The following CKAP2L variants were observed in gnomAD, a reference collection of about 807,000 sequenced individuals.
The protein encoded by CKAP2L is cytoskeleton associated protein 2L.
A neutral mutation model predicts 65.7 loss-of-function variants in CKAP2L; 42 were observed. The observed-to-expected ratio is 0.64, with a 90% CI of 0.50 to 0.83. The LOEUF (loss-of-function observed/expected upper bound fraction) is 0.83, where lower values mean the gene tolerates loss of function less well. Ranked by LOEUF, CKAP2L falls within the 40% of genes least tolerant of loss-of-function variation. The pLI is 0.00. For missense variants in CKAP2L, 908 were observed against 871.0 expected (o/e 1.04, Z -0.53); for synonymous variants, 325 against 313.5 (o/e 1.04, Z -0.39).
chr2:112,748,761 T>G (rs1383869228), intron 5 of CKAP2L, among the ~76,000 whole-genome samples: 2 of 151,890 alleles, frequency 1.3e-5, no homozygotes, highest in Admixed American at 1.3e-4. Flanking sequence ...CTCAGGAGGC[T>G]GAGGTGGAGG....
At chr2:112,754,961 C>G (rs1356032885) in intron 4 of CKAP2L, among the ~76,000 whole-genome samples, 1 of 152,174 alleles carries the variant, frequency 6.6e-6, no homozygotes, top group Non-Finnish European at 1.5e-5. Flanking sequence ...CCATTCCAGC[C>G]CTACTCTCTT....
intron 6 of CKAP2L, among the ~76,000 whole-genome samples, chr2:112,744,552 C>G (rs1011635969): frequency 3.9e-5 from 6 of 152,174 alleles, no homozygotes; most frequent in African/African-American, 1.4e-4. Flanking sequence ...CTGCAAGTCT[C>G]TGAGGGATAT....
At position 112,738,630 on chromosome 2, in the gene CKAP2L, TC is replaced by T; in HGVS notation, c.*192del. ...GTATACTGTAAAACTGGCAAACTGGTCTTAAACACATAAAGCAAAGATTTTC... is the reference window on the plus strand; with the variant it reads ...GTATACTGTAAAACTGGCAAACTGGTTTAAACACATAAAGCAAAGATTTTC... On this transcript the variant is annotated 3_prime_UTR_variant, in exon 9 of 9. Coordinates refer to ENST00000302450, the MANE Select transcript of CKAP2L (RefSeq NM_152515.5). 1.7e-6 allele frequency: 1 copy of T among 593,794 alleles called. No individual in the cohort carries two copies. 36.8% of individuals were successfully genotyped at this position (593,794 alleles called of 1,614,324 possible).
chr2:112,738,746 TCCAGGTCA>T lies in CKAP2L; in HGVS notation c.*69_*76del. The T allele has an allele frequency of 1.0e-6, 1 of 970,636 alleles. No homozygotes were observed. The highest frequency in any genetic ancestry group is 2.1e-5 in the Admixed American group (1 of 47,364). The allele number at this position is 970,636 out of a possible 1,614,324, so 60.1% of individuals were successfully genotyped here. On this transcript the variant is annotated 3_prime_UTR_variant, in exon 9 of 9. Transcript: ENST00000302450. ...TGCATCCATGATGCCTCTCTTTTTT[TCCAGGTCA>T]CTTGGACAAGAATATTTCTTGTCTT...
intron 1 of CKAP2L, among the ~76,000 whole-genome samples, chr2:112,763,148 C>T (rs774895482): frequency 6.6e-6 from 1 of 152,112 alleles, no homozygotes; most frequent in Non-Finnish European, 1.5e-5. Context: ...ATCTGAAATT[C>T]AGAGAGAGTA....
At chr2:112,751,051 G>C (rs1680359075) in intron 5 of CKAP2L, among the ~76,000 whole-genome samples, 2 of 151,984 alleles carry the variant, frequency 1.3e-5, no homozygotes, top group South Asian at 4.1e-4. Flanking sequence ...ATGAACTCTA[G>C]AACAATGACC....
At chr2:112,741,090 C>A in intron 7 of CKAP2L, 83 bp from the exon 8 acceptor site, 6 of 877,304 alleles carry the variant, frequency 6.8e-6, no homozygotes, top group Non-Finnish European at 1.1e-5. Context: ...AAAATACATA[C>A]ATACAATGAT....
intron 8 of CKAP2L, 92 bp downstream of exon 8, chr2:112,740,724 CAG>C (rs1441986721): frequency 1.0e-6 from 1 of 981,274 alleles, no homozygotes; most frequent in Non-Finnish European, 1.6e-6. Context: ...CACTGCAGGT[CAG>C]GTCTCAGTTA....
intron 3 of CKAP2L, among the ~76,000 whole-genome samples, chr2:112,758,704 T>A (rs917615305): frequency 7.2e-5 from 11 of 152,236 alleles, no homozygotes; most frequent in African/African-American, 1.2e-4. Flanking sequence ...TGTGTTTTTT[T>A]AGTTGCTTTC....
In CKAP2L at chr2:112,736,961, C is replaced by CTGTA. The variant is rs1679285938; in HGVS notation, c.*1858_*1861dup. On this transcript the variant is annotated 3_prime_UTR_variant, in exon 9 of 9. Coordinates refer to ENST00000302450, the MANE Select transcript of CKAP2L (RefSeq NM_152515.5). ...TTTTTTTTTGAGATGGAGTCTTGCT[C>CTGTA]TGTAACCCAGGCTGGAGTGCAGTGA... is the stretch of plus-strand genomic sequence containing the variant. 6.6e-6 allele frequency: 1 copy of CTGTA among 151,512 alleles called. No homozygotes were observed. The highest frequency in any genetic ancestry group is 2.1e-4 in the South Asian group (1 of 4,822). The allele number at this position is 151,512 out of a possible 1,614,324, so 9.4% of individuals were successfully genotyped here.
In CKAP2L at chr2:112,762,504, T is replaced by C; in HGVS notation, c.103A>G (p.Lys35Glu). 1 of 1,613,074 alleles carries C rather than the reference T, an allele frequency of 6.2e-7. No homozygotes were observed. The highest frequency in any genetic ancestry group is 8.5e-7 in the Non-Finnish European group (1 of 1,178,956). Residue 35 changes from lysine to glutamate, a missense_variant and splice_region_variant, in exon 2 of 9, where the codon AAG becomes GAG. Transcript: ENST00000302450. Reference protein sequence around the residue: ...AKGKLKSQNTKPYLKSKNNCQ... With the variant: ...AKGKLKSQNTEPYLKSKNNCQ... ...GTAACTGTGGACAGATAAACTCACT[T>C]GGTGTTTTGGCTCTTCAGTTTTCCC...
Position 112,756,776 on chromosome 2 carries a change from G to T in CKAP2L, c.595C>A (p.Pro199Thr). 6.2e-7 allele frequency: 1 copy of T among 1,602,930 alleles called. No individual in the cohort carries two copies. The change falls in exon 4 of 9, where the codon CCA (proline) becomes ACA (threonine). Residue 199 changes from proline (P) to threonine (T), a missense_variant. Transcript: ENST00000302450. The part of the protein sequence containing the change: ...LDILTEPERK[P>T]DPKLYTRSKP... ...CTTCTGGTATATAATTTAGGATCTG[G>T]CTTCCTCTCAGGTTCTGTTAAGATA... is the stretch of plus-strand genomic sequence containing the variant.
At chr2:112,762,801 T>TTG (rs1553443065) in intron 1 of CKAP2L, among the ~76,000 whole-genome samples, 8 of 151,738 alleles carry the variant, frequency 5.3e-5, no homozygotes, top group African/African-American at 1.9e-4. Context: ...TTTTTTTTTT[T>TTG]GAGACAGGGT....
At chr2:112,742,619 ATTCTT>A in intron 7 of CKAP2L, 82 bp downstream of exon 7, 2 of 917,244 alleles carry the variant, frequency 2.2e-6, no homozygotes, top group Admixed American at 4.4e-5. Flanking sequence ...TCAGGGGATG[ATTCTT>A]TTCTTCTTTT....
intron 5 of CKAP2L, 63 bp downstream of exon 5, chr2:112,752,204 G>T: frequency 4.3e-6 from 5 of 1,167,590 alleles, no homozygotes; most frequent in Non-Finnish European, 6.3e-6. Context: ...TTATATTTAG[G>T]AATATGTTTA....
rs139384306 is a variant in CKAP2L, at chr2:112,738,781, T to C, written c.*42A>G. On this transcript the variant is annotated 3_prime_UTR_variant, in exon 9 of 9. Coordinates refer to ENST00000302450, the MANE Select transcript of CKAP2L (RefSeq NM_152515.5). The stretch of plus-strand genomic sequence containing the variant: ...TTGGACAAGAATATTTCTTGTCTTA[T>C]GTTGGTTCTGAAACACCTTTTTTAA... 2.2e-5 allele frequency: 29 copies of C among 1,311,830 alleles called. No individual in the cohort carries two copies. The highest frequency in any genetic ancestry group is 3.2e-5 in the Non-Finnish European group (29 of 906,916). 81.3% of individuals were successfully genotyped at this position (1,311,830 alleles called of 1,614,324 possible).
intron 5 of CKAP2L, among the ~76,000 whole-genome samples, chr2:112,751,597 A>C (rs1680375101): frequency 6.6e-6 from 1 of 152,204 alleles, no homozygotes; most frequent in Admixed American, 6.5e-5. Context: ...ATTTAACTGG[A>C]TGTTGTGAAA....
At chr2:112,754,451 C>G (rs557423345) in intron 4 of CKAP2L, among the ~76,000 whole-genome samples, 74 of 152,224 alleles carry the variant, frequency 4.9e-4, no homozygotes, top group Non-Finnish European at 8.7e-4. Flanking sequence ...AGCATTTTCC[C>G]TATCTCCTTA....
chr2:112,762,261 C>T (rs1486413205), intron 2 of CKAP2L, among the ~76,000 whole-genome samples: 2 of 152,210 alleles, frequency 1.3e-5, no homozygotes, highest in African/African-American at 2.4e-5. Flanking sequence ...GTAATACTGA[C>T]CCTTCTTCCC....
Sources: gnomAD v4.1 joint callset for allele counts (sites outside exome capture counted in the v4.1 genomes callset) on GRCh38, gnomAD v4.1.1 for gene constraint, MANE v1.5 for transcripts, NCBI Gene and HGNC (gene_info 2026-07-23, HGNC 2026-07-21) for gene names.